MTRR: variants seen among roughly 807,000 people sequenced by gnomAD.
The protein encoded by MTRR is methionine synthase reductase.
MTRR carries 63 observed loss-of-function variants against 79.2 expected under a neutral mutation model. The ratio of observed to expected loss-of-function variants is 0.80; its 90% CI spans 0.65 to 0.98. The LOEUF is 0.98. Among genes scored for constraint, MTRR ranks in the 50% least tolerant of loss-of-function variants. MTRR has a pLI of 0.00. For synonymous variants in MTRR, 355 were observed against 313.3 expected (o/e 1.13, Z -1.41); for missense variants, 895 against 839.6 (o/e 1.07, Z -0.82).
At chr5:7,887,927 A>T (rs945896809) in intron 8 of MTRR, among the ~76,000 whole-genome samples, 3 of 150,928 alleles carry the variant, frequency 2.0e-5, no homozygotes, top group African/African-American at 7.3e-5. Flanking sequence ...CTCTGAGTTA[A>T]CACTTGAATT....
chr5:7,873,653 T>TTACA lies in MTRR; in HGVS notation c.283+127_283+128insTACA. ...CTTTCTTATGTAAATATTATGTATA[T>TTACA]GTATATATAAATGTATGTAATGTGC... On this transcript the variant is annotated intron_variant, in intron 3 of 14. Transcript: ENST00000440940. 3.7e-6 allele frequency: 4 copies of TTACA among 1,070,814 alleles called. No individual in the cohort carries two copies. The South Asian group carries it at 4.2e-5, about 11-fold the overall frequency. 66.3% of individuals were successfully genotyped at this position (1,070,814 alleles called of 1,614,324 possible).
At chr5:7,896,598 G>T in intron 12 of MTRR, 1 of 527,560 alleles carries the variant, frequency 1.9e-6, no homozygotes, top group Non-Finnish European at 3.4e-6. Flanking sequence ...GCTCTCTCTA[G>T]ATCTCACAGT....
intron 14 of MTRR, among the ~76,000 whole-genome samples, chr5:7,898,189 T>A (rs2126819856): frequency 6.6e-6 from 1 of 152,328 alleles, no homozygotes; most frequent in Non-Finnish European, 1.5e-5. Context: ...TTCTAGACAT[T>A]GTTTTGGTTT....
chr5:7,899,088 G>GC (rs1199442109), intron 14 of MTRR, among the ~76,000 whole-genome samples: 4 of 152,046 alleles, frequency 2.6e-5, no homozygotes, highest in African/African-American at 9.7e-5. Context: ...CACTCAAATA[G>GC]CCAGATCTCT....
intron 1 of MTRR, among the ~76,000 whole-genome samples, chr5:7,855,671 A>G (rs1746225771): frequency 6.6e-6 from 1 of 152,096 alleles, no homozygotes. Context: ...CAATTCTTAT[A>G]CTTTTCTTTC....
At chr5:7,852,397 G>C (rs189687765) in intron 1 of MTRR, among the ~76,000 whole-genome samples, 6 of 152,018 alleles carry the variant, frequency 3.9e-5, no homozygotes, top group Non-Finnish European at 8.8e-5. Context: ...ATTTATATCT[G>C]TCTCTCTCGT....
intron 11 of MTRR, chr5:7,893,658 G>A (rs1738026181): frequency 1.3e-5 from 2 of 152,168 alleles, no homozygotes; most frequent in South Asian, 4.1e-4. Context: ...TTATCATGAA[G>A]TCCTCTTTCT....
chr5:7,885,210 C>G (rs60594625), intron 6 of MTRR: 2,608 of 180,188 alleles, frequency 0.014, 75 homozygotes, highest in African/African-American at 0.059. Flanking sequence ...ATGTTTTATA[C>G]TTAAGGAAAT....
At chr5:7,856,340 C>T (rs781619869) in intron 1 of MTRR, among the ~76,000 whole-genome samples, 6 of 152,148 alleles carry the variant, frequency 3.9e-5, no homozygotes, top group Non-Finnish European at 5.9e-5. Flanking sequence ...TTTCTTAGCA[C>T]TATGTCCTTG....
intron 1 of MTRR, among the ~76,000 whole-genome samples, chr5:7,857,590 GCTCT>G (rs1012237118): frequency 6.6e-6 from 1 of 152,154 alleles, no homozygotes; most frequent in Non-Finnish European, 1.5e-5. Context: ...TCACTCTGAG[GCTCT>G]CTCTCACTGC....
chr5:7,895,721 T>A lies in MTRR; in HGVS notation c.1558-13T>A. ...TTTCTTTCATACTTACCACATTTGA[T>A]GTAATATTTCAGATATCCATCTCTC... On this transcript the variant is annotated splice_polypyrimidine_tract_variant and intron_variant, in intron 11 of 14. Transcript: ENST00000440940. 6.2e-7 allele frequency: 1 copy of A among 1,613,910 alleles called. No individual in the cohort carries two copies. Among genetic ancestry groups the A allele is most frequent in the Non-Finnish European group, 8.5e-7 (1 of 1,179,824 alleles).
intron 11 of MTRR, 119 bp downstream of exon 11, chr5:7,893,032 T>C (rs1737895463): frequency 1.6e-6 from 2 of 1,223,764 alleles, no homozygotes; most frequent in Admixed American, 4.2e-5. Context: ...TATGCTGTTC[T>C]TGAATTTTAA....
chr5:7,880,328 T>TC (rs1260026964), intron 5 of MTRR, among the ~76,000 whole-genome samples: 1 of 152,226 alleles, frequency 6.6e-6, no homozygotes, highest in African/African-American at 2.4e-5. Context: ...TATACATTGT[T>TC]CCAGCGCAAA....
At chr5:7,867,460 G>T, upstream of MTRR, 15 of 1,614,186 alleles carry the variant, frequency 9.3e-6, no homozygotes, top group Non-Finnish European at 1.3e-5. Flanking sequence ...CACCTTTTCT[G>T]AGACGATTTT....
In MTRR at chr5:7,859,535, G is replaced by C. The variant is rs1360816051; in HGVS notation, n.392-2416G>C. The C allele has an allele frequency of 5.0e-6, 8 of 1,587,100 alleles. No individual in the cohort carries two copies. The highest frequency in any genetic ancestry group is 6.9e-6 in the Non-Finnish European group (8 of 1,163,040). ...TTTTAGCATCCCAATCTCATGATAG[G>C]GGATCTGTAAAGGTAGAAAAGTAAA... On this transcript the variant is annotated intron_variant and non_coding_transcript_variant, in intron 1 of 3. Coordinates refer to the MTRR transcript ENST00000502509.
chr5:7,851,067 C>A (rs1409817844), upstream of MTRR: 3 of 1,235,988 alleles, frequency 2.4e-6, no homozygotes, highest in Middle Eastern at 3.1e-4. Context: ...TCCGTCCCGC[C>A]CGCCCAGGGG....
chr5:7,885,610 A>G, intron 6 of MTRR, 91 bp from the exon 7 acceptor site: 1 of 1,208,972 alleles, frequency 8.3e-7, no homozygotes, highest in Non-Finnish European at 1.2e-6. Context: ...TTAAAATCAT[A>G]ATATTGAAAA....
upstream of MTRR, chr5:7,866,602 A>C: frequency 2.1e-6 from 3 of 1,428,270 alleles, no homozygotes; most frequent in Non-Finnish European, 2.9e-6. Flanking sequence ...CTGCCAGTTC[A>C]AAGGTTACTT....
rs762256129 is a variant in MTRR at position 7,900,187 on chromosome 5, G to A, written c.*129G>A. ...CAACATTTCTTGAAGGACATGGAGT[G>A]GAGATTGGATCATTTAACAATATAA... is the stretch of plus-strand genomic sequence containing the variant. On this transcript the variant is annotated 3_prime_UTR_variant, in exon 15 of 15. Transcript: ENST00000440940. 12 of 1,030,880 alleles carry A rather than the reference G, an allele frequency of 1.2e-5. No individual in the cohort carries two copies. The highest frequency in any genetic ancestry group is 1.7e-5 in the Non-Finnish European group (12 of 701,688). The allele number at this position is 1,030,880 out of a possible 1,614,324, so 63.9% of individuals were successfully genotyped here. A position where few individuals can be genotyped will look rare whatever the true frequency, so the allele number is the denominator to read the frequency against.
Sources: allele counts gnomAD v4.1 joint callset (sites outside exome capture counted in the v4.1 genomes callset), GRCh38; gene constraint gnomAD v4.1.1; transcripts MANE v1.5; gene names NCBI Gene and HGNC (gene_info 2026-07-23, HGNC 2026-07-21).